The following STPG4 variants were observed in gnomAD, a reference collection of about 807,000 sequenced individuals.
STPG4 encodes protein STPG4.
A neutral mutation model predicts 31.5 loss-of-function variants in STPG4; 41 were observed. The ratio of observed to expected loss-of-function variants is 1.30; its 90% CI spans 1.01 to 1.69. STPG4 has a LOEUF of 1.69. STPG4 is among the 40% of genes most tolerant of loss of function. The probability of loss-of-function intolerance (pLI) is 0.00; values close to 1 mark genes in which losing one functional copy is unlikely to be tolerated. For synonymous variants in STPG4, 141 were observed against 103.0 expected (o/e 1.37, Z -2.24); for missense variants, 375 against 293.4 (o/e 1.28, Z -2.03).
intron 5 of STPG4, among the ~76,000 whole-genome samples, chr2:47,100,172 A>C (rs1383194719): frequency 6.6e-6 from 1 of 152,226 alleles, no homozygotes; most frequent in East Asian, 1.9e-4. Flanking sequence ...TGTGGGATCC[A>C]CTGGGTGAAG....
chr2:47,121,967 G>C (rs1686280393), intron 5 of STPG4, among the ~76,000 whole-genome samples: 1 of 151,564 alleles, frequency 6.6e-6, no homozygotes, highest in South Asian at 2.1e-4. Flanking sequence ...CAAAATCTCT[G>C]CCATGTAAGG....
chr2:47,118,148 G>A (rs543874083), intron 5 of STPG4, among the ~76,000 whole-genome samples: 7 of 152,268 alleles, frequency 4.6e-5, no homozygotes, highest in African/African-American at 1.7e-4. Flanking sequence ...ATAGGAGGAG[G>A]TGAGGGGTGG....
chr2:47,098,819 A>G (rs929106762), intron 5 of STPG4, among the ~76,000 whole-genome samples: 7 of 151,426 alleles, frequency 4.6e-5, no homozygotes, highest in Non-Finnish European at 8.8e-5. Flanking sequence ...GGGTACAGAG[A>G]AAAGCTACAG....
chr2:47,093,940 GC>G (rs775120730), intron 5 of STPG4, among the ~76,000 whole-genome samples: 1 of 152,214 alleles, frequency 6.6e-6, no homozygotes, highest in African/African-American at 2.4e-5. Context: ...CCCCACTGCT[GC>G]CCCATCCGAG....
intron 5 of STPG4, among the ~76,000 whole-genome samples, chr2:47,091,012 C>A (rs72808545): frequency 0.16 from 23,877 of 152,078 alleles, 2,017 homozygotes; most frequent in South Asian, 0.27. Context: ...TAACCAAATA[C>A]ATTCTAATTT....
rs144389538 is a variant in STPG4 at position 47,118,581 on chromosome 2, T to G, written c.519+11360A>C. 4.9e-3 allele frequency among the ~76,000 whole-genome samples: 753 copies of G among 152,334 alleles called. 4 individuals are homozygous for G. Among genetic ancestry groups the G allele is most frequent in the Middle Eastern group, 0.014 (4 of 294 alleles). ...AACTGTCTTCTGTGAAACCAGTCCC[T>G]GGTGCCAAAAAGGTTGGGGACCGCT... On this transcript the variant is annotated intron_variant, in intron 5 of 6. Coordinates refer to ENST00000445927, the MANE Select transcript of STPG4 (RefSeq NM_001163561.2).
intron 5 of STPG4, among the ~76,000 whole-genome samples, chr2:47,104,554 C>A (rs931161783): frequency 6.6e-6 from 1 of 152,012 alleles, no homozygotes; most frequent in Non-Finnish European, 1.5e-5. Context: ...TTCTGACTCC[C>A]AGTTCCTCTT....
chr2:47,096,997 C>G (rs987299142), intron 5 of STPG4, among the ~76,000 whole-genome samples: 1 of 152,002 alleles, frequency 6.6e-6, no homozygotes, highest in African/African-American at 2.4e-5. Context: ...GAGGAAGCTC[C>G]AGGGAAGAGG....
intron 5 of STPG4, among the ~76,000 whole-genome samples, chr2:47,127,284 T>C (rs960782184): frequency 1.1e-5 from 1 of 87,404 alleles, no homozygotes; most frequent in African/African-American, 3.4e-5. Context: ...TTTTTTTTTT[T>C]TTGAGACAGA....
chr2:47,129,010 A>T (rs985324896), intron 5 of STPG4: 2 of 152,320 alleles, frequency 1.3e-5, no homozygotes, highest in Non-Finnish European at 2.9e-5. Context: ...ATCTTGCCAG[A>T]ACTGGGTCCT....
intron 5 of STPG4, among the ~76,000 whole-genome samples, chr2:47,101,344 C>A (rs1685795514): frequency 6.6e-6 from 1 of 151,678 alleles, no homozygotes; most frequent in Non-Finnish European, 1.5e-5. Context: ...AGAGGAAAGC[C>A]ATGCAGCTCC....
intron 6 of STPG4, among the ~76,000 whole-genome samples, chr2:47,089,816 G>C (rs976849097): frequency 6.6e-6 from 1 of 152,098 alleles, no homozygotes; most frequent in Admixed American, 6.6e-5. Context: ...GTTTTTGGGG[G>C]TGGGGTGATC....
At chr2:47,135,980 T>C (rs1300724976) in intron 3 of STPG4, among the ~76,000 whole-genome samples, 1 of 152,196 alleles carries the variant, frequency 6.6e-6, no homozygotes, top group Non-Finnish European at 1.5e-5. Flanking sequence ...TTTTTGCCTT[T>C]CCATATATAC....
At chr2:47,137,469 G>C (rs954945198) in intron 3 of STPG4, among the ~76,000 whole-genome samples, 4 of 152,124 alleles carry the variant, frequency 2.6e-5, no homozygotes, top group African/African-American at 9.7e-5. Context: ...TCTGGTTTTG[G>C]TATTATGATG....
chr2:47,143,777 C>T (rs146955192), intron 3 of STPG4, among the ~76,000 whole-genome samples: 1,540 of 152,114 alleles, frequency 0.01, 19 homozygotes, highest in Non-Finnish European at 0.017. Context: ...TGTGAGCCAC[C>T]GTGTCTGGCC....
intron 6 of STPG4, among the ~76,000 whole-genome samples, chr2:47,089,124 A>G (rs923663198): frequency 6.6e-6 from 1 of 152,218 alleles, no homozygotes; most frequent in Non-Finnish European, 1.5e-5. Flanking sequence ...GTGAATGCTT[A>G]GAAGTTAACA....
At chr2:47,123,350 G>A (rs557480695) in intron 5 of STPG4, among the ~76,000 whole-genome samples, 4 of 152,200 alleles carry the variant, frequency 2.6e-5, no homozygotes, top group Admixed American at 1.3e-4. Flanking sequence ...TATCTCTAGC[G>A]ATTTAATTAA....
At chr2:47,106,719 C>T (rs1426492287) in intron 5 of STPG4, among the ~76,000 whole-genome samples, 1 of 151,958 alleles carries the variant, frequency 6.6e-6, no homozygotes, top group African/African-American at 2.4e-5. Context: ...TCAGACAATG[C>T]CTTTCAAATT....
At position 47,090,258 on chromosome 2, in the gene STPG4, C is replaced by T; in HGVS notation, c.624+12G>A. The T allele has an allele frequency of 1.3e-6, 2 of 1,541,142 alleles. No individual in the cohort carries two copies. Among genetic ancestry groups the T allele is most frequent in the South Asian group, 1.2e-5 (1 of 83,832 alleles). On this transcript the variant is annotated intron_variant, in intron 6 of 6. Coordinates refer to ENST00000445927, the MANE Select transcript of STPG4 (RefSeq NM_001163561.2). ...TAGGGGTGGGGGGCGATCTGTCTTT[C>T]CGAATACTTACTGAACAGCTGGGCA...
Sources: allele counts gnomAD v4.1 joint callset (sites outside exome capture counted in the v4.1 genomes callset), GRCh38; gene constraint gnomAD v4.1.1; transcripts MANE v1.5; gene names NCBI Gene and HGNC (gene_info 2026-07-23, HGNC 2026-07-21).